Variants in CSMD3 observed in about 807,000 individuals in gnomAD.
The protein encoded by CSMD3 is CUB and Sushi multiple domains 3, also known as CUB and sushi domain-containing protein 3.
In CSMD3, 177 loss-of-function variants were observed where a neutral mutation model predicts 435.2. The observed-to-expected ratio is 0.41, with a 90% CI of 0.36 to 0.46. The LOEUF (loss-of-function observed/expected upper bound fraction) is 0.46, where lower values mean the gene tolerates loss of function less well. CSMD3 is among the 20% of genes least tolerant of loss of function. CSMD3 has a pLI of 0.34. For synonymous variants in CSMD3, 1,656 were observed against 1,520.5 expected, an observed-to-expected ratio of 1.09 and a Z score of -2.07; for missense variants, 4,265 against 4,504.6, an observed-to-expected ratio of 0.95 and a Z score of 1.52.
Position 112,295,849 on chromosome 8 carries a change from C to G in CSMD3, c.8598G>C (p.Gln2866His), listed in dbSNP as rs1217069033. ...ICQQDHNWSG[Q>H]LPSCVPVSCG... ...CTTACTTACGCACACAGGATGGGAG[C>G]TGACCAGACCAATTGTGATCCTGTT... Residue 2866 changes from glutamine to histidine, a missense_variant, in exon 54 of 71, where the codon CAG becomes CAC. Gln to His is a conservative substitution (Grantham distance 24, BLOSUM62 0). Coordinates refer to ENST00000297405, the MANE Select transcript of CSMD3 (RefSeq NM_198123.2). 6.2e-7 allele frequency: 1 copy of G among 1,613,752 alleles called. No individual in the cohort carries two copies. The highest frequency in any genetic ancestry group is 1.3e-5 in the African/African-American group (1 of 74,866).
intron 7 of CSMD3, among the ~76,000 whole-genome samples, chr8:112,970,436 T>A (rs2084607410): frequency 6.8e-6 from 1 of 148,096 alleles, no homozygotes; most frequent in African/African-American, 2.5e-5. Context: ...TCAAAAGAGA[T>A]CTTATAGCTA....
intron 18 of CSMD3, among the ~76,000 whole-genome samples, chr8:112,652,216 T>C (rs1028861309): frequency 6.6e-6 from 1 of 152,170 alleles, no homozygotes; most frequent in Admixed American, 6.5e-5. Flanking sequence ...ATCAATCAGA[T>C]AAGTCTCCTC....
intron 32 of CSMD3, among the ~76,000 whole-genome samples, chr8:112,435,065 T>C (rs1467809838): frequency 6.6e-6 from 1 of 152,062 alleles, no homozygotes; most frequent in Non-Finnish European, 1.5e-5. Context: ...GAGTTGGCAA[T>C]CAAAATAGCA....
At chr8:113,273,477 T>C (rs1032029867) in intron 3 of CSMD3, among the ~76,000 whole-genome samples, 1 of 152,120 alleles carries the variant, frequency 6.6e-6, no homozygotes, top group Non-Finnish European at 1.5e-5. Context: ...AGCAGCATGA[T>C]AAAATCTATG....
intron 57 of CSMD3, 46 bp downstream of exon 57, chr8:112,289,319 A>T (rs1861755): frequency 6.7e-7 from 1 of 1,493,916 alleles, no homozygotes; most frequent in South Asian, 1.1e-5. Context: ...TACTACTAAC[A>T]ATAATGTAAT....
chr8:113,359,083 G>GA (rs768615384), intron 1 of CSMD3, among the ~76,000 whole-genome samples: 2 of 151,866 alleles, frequency 1.3e-5, no homozygotes, highest in Admixed American at 6.6e-5. Flanking sequence ...CCTGAAATCA[G>GA]AAAAAAATAC....
Position 113,071,813 on chromosome 8 carries a change from T to A in CSMD3, c.917+26943A>T, listed in dbSNP as rs1461168310. On this transcript the variant is annotated intron_variant, in intron 5 of 70. Transcript: ENST00000297405. ...TGAAGTGGAGTCTTTCAGGGATCCATATCAATTTTATGAATTTTTTTCCAT... is the reference window on the plus strand; with the variant it reads ...TGAAGTGGAGTCTTTCAGGGATCCAAATCAATTTTATGAATTTTTTTCCAT... Among the ~76,000 whole-genome samples, 3 of 151,894 alleles carry A rather than the reference T, an allele frequency of 2.0e-5. No homozygotes were observed. The East Asian group carries it at 5.8e-4, about 29-fold the overall frequency.
intron 4 of CSMD3, among the ~76,000 whole-genome samples, chr8:113,105,207 A>T (rs2090439133): frequency 6.6e-6 from 1 of 152,106 alleles, no homozygotes; most frequent in Admixed American, 6.5e-5. Context: ...TATATATAAT[A>T]ACTGTTTTAA....
intron 1 of CSMD3, among the ~76,000 whole-genome samples, chr8:113,360,253 G>T (rs2094263359): frequency 6.6e-6 from 1 of 152,128 alleles, no homozygotes; most frequent in African/African-American, 2.4e-5. Context: ...GATTCAGACA[G>T]ACCAGGTTTT....
In CSMD3 at chr8:112,224,704, G is replaced by T. The variant is rs1812412276; in HGVS notation, c.*67C>A. 1 of 1,518,446 alleles carries T rather than the reference G, an allele frequency of 6.6e-7. No homozygotes were observed. The highest frequency in any genetic ancestry group is 9.2e-7 in the Non-Finnish European group (1 of 1,092,850). 94.1% of individuals were successfully genotyped at this position (1,518,446 alleles called of 1,614,324 possible). A position where few individuals can be genotyped will look rare whatever the true frequency, so the allele number is the denominator to read the frequency against. On this transcript the variant is annotated 3_prime_UTR_variant, in exon 71 of 71. Transcript: ENST00000297405. ...AAAGTGTGCTTTAATTTGTTTAGCA[G>T]TGAACTAAATGTGCACTGTTTTGTG...
intron 3 of CSMD3, among the ~76,000 whole-genome samples, chr8:113,188,270 A>C (rs1372984906): frequency 6.6e-6 from 1 of 152,022 alleles, no homozygotes; most frequent in Non-Finnish European, 1.5e-5. Context: ...ATCAAGTCAG[A>C]TATTATACTT....
chr8:113,245,315 T>C (rs1435891090), intron 3 of CSMD3, among the ~76,000 whole-genome samples: 1 of 152,024 alleles, frequency 6.6e-6, no homozygotes, highest in South Asian at 2.1e-4. Context: ...TCTTTATATG[T>C]TTTAAATCAT....
At chr8:112,726,584 A>T (rs957522593) in intron 13 of CSMD3, among the ~76,000 whole-genome samples, 1 of 151,850 alleles carries the variant, frequency 6.6e-6, no homozygotes, top group African/African-American at 2.4e-5. Context: ...TGCATAGTAT[A>T]CTCAGACCAG....
chr8:113,314,941 A>G (rs2093897989), intron 1 of CSMD3, 148 bp from the exon 2 acceptor site: 4 of 588,664 alleles, frequency 6.8e-6, no homozygotes, highest in Non-Finnish European at 1.2e-5. Flanking sequence ...GGCACTATAT[A>G]CAAATATATA....
chr8:112,922,055 A>G (rs1216268477), intron 9 of CSMD3, among the ~76,000 whole-genome samples: 1 of 152,008 alleles, frequency 6.6e-6, no homozygotes, highest in Non-Finnish European at 1.5e-5. Context: ...TTGTGTTCAT[A>G]TCATATTACG....
At chr8:112,519,177 A>C (rs1286276685) in intron 27 of CSMD3, among the ~76,000 whole-genome samples, 2 of 152,108 alleles carry the variant, frequency 1.3e-5, no homozygotes, top group Non-Finnish European at 2.9e-5. Context: ...GTGGAGAGTG[A>C]TGTTCGACTA....
intron 2 of CSMD3, among the ~76,000 whole-genome samples, chr8:113,299,124 T>A (rs964689432): frequency 1.3e-5 from 2 of 152,164 alleles, no homozygotes; most frequent in Non-Finnish European, 2.9e-5. Context: ...ACAATACTTT[T>A]TAGAAAGATT....
At chr8:112,820,025 G>T (rs561479763) in intron 12 of CSMD3, among the ~76,000 whole-genome samples, 1 of 152,012 alleles carries the variant, frequency 6.6e-6, no homozygotes, top group Non-Finnish European at 1.5e-5. Context: ...AATTAGTTGC[G>T]GTCTTATTTC....
At chr8:112,468,104 T>C (rs1818136368) in intron 32 of CSMD3, among the ~76,000 whole-genome samples, 1 of 152,188 alleles carries the variant, frequency 6.6e-6, no homozygotes. Flanking sequence ...CAATATTTCA[T>C]GTGAATATTT....
Sources: allele counts gnomAD v4.1 joint callset (sites outside exome capture counted in the v4.1 genomes callset), GRCh38; gene constraint gnomAD v4.1.1; transcripts MANE v1.5; gene names NCBI Gene and HGNC (gene_info 2026-07-23, HGNC 2026-07-21).